The following SLC4A10 variants were observed in gnomAD, a reference collection of about 807,000 sequenced individuals.
The protein encoded by SLC4A10 is sodium-driven chloride bicarbonate exchanger.
In SLC4A10, 42 loss-of-function variants were observed where a neutral mutation model predicts 137.7. The observed-to-expected ratio is 0.30, with a 90% CI of 0.24 to 0.39. SLC4A10 has a LOEUF of 0.39. Among genes scored for constraint, SLC4A10 ranks in the 10% least tolerant of loss-of-function variants. The pLI, the probability that SLC4A10 is intolerant of heterozygous loss-of-function variation, is 1.00. For synonymous variants in SLC4A10, 474 were observed against 464.1 expected (o/e 1.02, Z -0.27); for missense variants, 925 against 1,355.0 (o/e 0.68, Z 4.98).
chr2:161,780,581 A>G (rs990518300), intron 2 of SLC4A10, among the ~76,000 whole-genome samples: 2 of 152,058 alleles, frequency 1.3e-5, no homozygotes, highest in African/African-American at 4.8e-5. Context: ...TTATTTTTCT[A>G]TTATGATCCC....
At chr2:161,785,586 G>A (rs2053529863) in intron 2 of SLC4A10, among the ~76,000 whole-genome samples, 1 of 151,782 alleles carries the variant, frequency 6.6e-6, no homozygotes, top group African/African-American at 2.4e-5. Context: ...ATCAATAAAT[G>A]TGATGTGCCA....
chr2:161,869,471 C>T (rs913677335), intron 6 of SLC4A10, among the ~76,000 whole-genome samples: 3 of 151,484 alleles, frequency 2.0e-5, no homozygotes, highest in African/African-American at 7.3e-5. Flanking sequence ...TATGAGGTTT[C>T]AATTAGTTCT....
intron 1 of SLC4A10, chr2:161,708,970 T>C (rs1478522060): frequency 5.0e-6 from 5 of 992,774 alleles, no homozygotes; most frequent in Non-Finnish European, 7.1e-6. Flanking sequence ...GTAAGATTTA[T>C]GGCAGCTAAA....
At chr2:161,793,576 T>C (rs2054441852) in intron 2 of SLC4A10, among the ~76,000 whole-genome samples, 1 of 152,096 alleles carries the variant, frequency 6.6e-6, no homozygotes, top group Non-Finnish European at 1.5e-5. Flanking sequence ...GCTGAAAGCA[T>C]GGTGAAAAAA....
intron 5 of SLC4A10, among the ~76,000 whole-genome samples, chr2:161,857,983 A>G (rs1439487620): frequency 6.6e-6 from 1 of 152,096 alleles, no homozygotes; most frequent in Admixed American, 6.5e-5. Context: ...AAGTGCTAGG[A>G]TTACAGGCAT....
intron 22 of SLC4A10, among the ~76,000 whole-genome samples, 197 bp from the exon 23 acceptor site, chr2:161,964,854 C>G (rs751788909): frequency 7.2e-5 from 11 of 151,906 alleles, no homozygotes; most frequent in Non-Finnish European, 1.5e-4. Flanking sequence ...AAATCATAGT[C>G]ATTATTGTGG....
At chr2:161,678,518 G>T (rs1359150707) in intron 1 of SLC4A10, among the ~76,000 whole-genome samples, 1 of 152,188 alleles carries the variant, frequency 6.6e-6, no homozygotes, top group African/African-American at 2.4e-5. Flanking sequence ...AATCTTATGC[G>T]TGCATGTGAA....
At chr2:161,739,726 C>A (rs1049557017) in intron 1 of SLC4A10, among the ~76,000 whole-genome samples, 1 of 152,172 alleles carries the variant, frequency 6.6e-6, no homozygotes, top group Non-Finnish European at 1.5e-5. Context: ...CTTTTGCTGG[C>A]AGACAGAACA....
intron 3 of SLC4A10, among the ~76,000 whole-genome samples, chr2:161,808,704 A>G (rs1489661448): frequency 6.6e-6 from 1 of 152,124 alleles, no homozygotes; most frequent in African/African-American, 2.4e-5. Flanking sequence ...TTTTTAGGAT[A>G]ATGATCTCCA....
chr2:161,894,425 C>T (rs2063234111), intron 10 of SLC4A10, among the ~76,000 whole-genome samples: 1 of 151,910 alleles, frequency 6.6e-6, no homozygotes, highest in African/African-American at 2.4e-5. Context: ...TCCTTTCATC[C>T]TCCTTTTTCT....
intron 23 of SLC4A10, among the ~76,000 whole-genome samples, chr2:161,970,883 C>T (rs912900315): frequency 8.5e-5 from 13 of 152,212 alleles, no homozygotes; most frequent in Admixed American, 5.9e-4. Context: ...ATCTCTTCCG[C>T]CTCTACTCAG....
intron 16 of SLC4A10, among the ~76,000 whole-genome samples, chr2:161,945,521 T>C (rs539680216): frequency 1.1e-3 from 170 of 151,750 alleles, no homozygotes; most frequent in African/African-American, 4.0e-3. Context: ...AACCATATGT[T>C]AGACTCAAAA....
intron 1 of SLC4A10, among the ~76,000 whole-genome samples, chr2:161,654,789 T>A (rs1044628525): frequency 2.6e-5 from 4 of 152,200 alleles, no homozygotes; most frequent in Non-Finnish European, 5.9e-5. Flanking sequence ...ATTTATGATA[T>A]ATTTTGAAAT....
intron 3 of SLC4A10, among the ~76,000 whole-genome samples, chr2:161,808,048 T>A (rs1440571669): frequency 6.6e-6 from 1 of 152,118 alleles, no homozygotes; most frequent in Non-Finnish European, 1.5e-5. Context: ...TTAAATCATT[T>A]CCTTTATTTT....
chr2:161,911,865 A>C (rs1360285781), intron 15 of SLC4A10, among the ~76,000 whole-genome samples: 1 of 152,138 alleles, frequency 6.6e-6, no homozygotes, highest in Non-Finnish European at 1.5e-5. Context: ...TAAAATAAAT[A>C]TAATAGTAGG....
intron 3 of SLC4A10, among the ~76,000 whole-genome samples, chr2:161,814,464 G>A (rs2056860928): frequency 2.6e-5 from 4 of 151,946 alleles, no homozygotes; most frequent in African/African-American, 9.7e-5. Context: ...CTATCAAAAG[G>A]CACATGGACA....
intron 1 of SLC4A10, among the ~76,000 whole-genome samples, chr2:161,652,955 A>C (rs1268502623): frequency 6.6e-6 from 1 of 151,954 alleles, no homozygotes; most frequent in African/African-American, 2.4e-5. Flanking sequence ...GCATCCATCA[A>C]CCCATCATCT....
At chr2:161,909,356 G>A (rs564545673) in intron 15 of SLC4A10, among the ~76,000 whole-genome samples, 2 of 152,246 alleles carry the variant, frequency 1.3e-5, no homozygotes, top group South Asian at 4.1e-4. Flanking sequence ...ATCAATGTGA[G>A]CATCTAAAAC....
intron 15 of SLC4A10, among the ~76,000 whole-genome samples, chr2:161,924,219 T>C (rs1688668024): frequency 6.6e-6 from 1 of 152,164 alleles, no homozygotes. Flanking sequence ...AGAAATAAGT[T>C]CACCAATACA....
Sources: gnomAD v4.1 joint callset for allele counts (sites outside exome capture counted in the v4.1 genomes callset) on GRCh38, gnomAD v4.1.1 for gene constraint, MANE v1.5 for transcripts, NCBI Gene and HGNC (gene_info 2026-07-23, HGNC 2026-07-21) for gene names.